The following WNK3 variants were observed in gnomAD, a reference collection of about 807,000 sequenced individuals.
The protein encoded by WNK3 is WNK lysine deficient protein kinase 3, also known as serine/threonine-protein kinase WNK3.
In WNK3, 18 loss-of-function variants were observed where a neutral mutation model predicts 116.7. That is an observed-to-expected ratio of 0.15 (90% confidence interval 0.11 to 0.23). The LOEUF (loss-of-function observed/expected upper bound fraction) is 0.23, where lower values mean the gene tolerates loss of function less well. WNK3 is among the 10% of genes least tolerant of loss of function. The probability of loss-of-function intolerance (pLI) is 1.00; values close to 1 mark genes in which losing one functional copy is unlikely to be tolerated. For synonymous variants in WNK3, 404 were observed against 469.4 expected (o/e 0.86, Z 1.80); for missense variants, 993 against 1,323.8 (o/e 0.75, Z 3.88).
At chrX:54,271,315 T>C (rs1379017721) in intron 10 of WNK3, among the ~76,000 whole-genome samples, 1 of 111,343 alleles carries the variant, frequency 9.0e-6, no homozygotes, top group Non-Finnish European at 1.9e-5. Flanking sequence ...ACAAAATATG[T>C]AGATGGGAAA....
rs782372477 is a variant in WNK3, at chrX:54,289,587, G to A, written c.2037+3301C>T. On this transcript the variant is annotated intron_variant, in intron 10 of 23. Coordinates refer to ENST00000354646, the Ensembl canonical transcript of WNK3. ...ATCTTAGGTTGTAAAATTAATGATTGTTGCTGAATACAAGCTTGGAAACAA... is the reference window on the plus strand; with the variant it reads ...ATCTTAGGTTGTAAAATTAATGATTATTGCTGAATACAAGCTTGGAAACAA... Among the ~76,000 whole-genome samples, 6 of 111,165 alleles carry A rather than the reference G, an allele frequency of 5.4e-5. No individual in the cohort carries two copies. The South Asian group carries it at 1.9e-3, about 36-fold the overall frequency.
chrX:54,343,195 T>G (rs1353184572), intron 1 of WNK3, among the ~76,000 whole-genome samples: 1 of 110,633 alleles, frequency 9.0e-6, no homozygotes, highest in Non-Finnish European at 1.9e-5. Context: ...ATCGTGGATC[T>G]TCACCATAAA....
intron 1 of WNK3, among the ~76,000 whole-genome samples, chrX:54,354,677 G>A (rs1156755616): frequency 9.0e-6 from 1 of 110,802 alleles, no homozygotes; most frequent in African/African-American, 3.3e-5. Flanking sequence ...CATGTACCCC[G>A]GAACTTAAAA....
intron 2 of WNK3, among the ~76,000 whole-genome samples, chrX:54,322,325 A>G (rs782149059): frequency 1.1e-3 from 127 of 111,967 alleles, no homozygotes; most frequent in African/African-American, 3.8e-3. Context: ...ATAAACTTGT[A>G]TCCTAGATTT....
intron 10 of WNK3, among the ~76,000 whole-genome samples, chrX:54,275,279 G>A (rs1441492507): frequency 6.3e-5 from 7 of 110,408 alleles, no homozygotes; most frequent in Non-Finnish European, 1.3e-4. Context: ...TCGCACCATT[G>A]CACTCCAGCC....
chrX:54,344,529 AGCTTTGT>A (rs1424732687), intron 1 of WNK3, among the ~76,000 whole-genome samples: 1 of 113,228 alleles, frequency 8.8e-6, no homozygotes, highest in Non-Finnish European at 1.9e-5. Context: ...GCAGTCTTTC[AGCTTTGT>A]GGTTCTGACC....
chrX:54,298,747 G>A (rs977843791), intron 6 of WNK3, among the ~76,000 whole-genome samples: 12 of 112,172 alleles, frequency 1.1e-4, no homozygotes, highest in Non-Finnish European at 2.1e-4. Context: ...CTTAGTACAT[G>A]TTAGGCAAAT....
At chrX:54,357,342 CA>C (rs1209590717) in intron 1 of WNK3, among the ~76,000 whole-genome samples, 6 of 105,349 alleles carry the variant, frequency 5.7e-5, no homozygotes, top group African/African-American at 1.0e-4. Flanking sequence ...CAACAACAAC[CA>C]AAAAAAAAAT....
In WNK3 at chrX:54,230,008, T is replaced by A. The variant is rs781864911; in HGVS notation, c.4841-1265A>T. ...CCAAAATCACAATTTTTAAAAAAAA[T>A]TTGATAAAGTATACTTTATTAAAAT... is the stretch of plus-strand genomic sequence containing the variant. On this transcript the variant is annotated intron_variant, in intron 21 of 23. Transcript: ENST00000354646. Among the ~76,000 whole-genome samples the A allele has an allele frequency of 8.9e-5, 10 of 111,762 alleles. No homozygotes were observed. In the South Asian group the frequency reaches 3.7e-3, roughly 41 times the overall value.
chrX:54,354,834 A>G (rs1557179120), intron 1 of WNK3, among the ~76,000 whole-genome samples: 1 of 111,670 alleles, frequency 9.0e-6, no homozygotes, highest in Non-Finnish European at 1.9e-5. Context: ...CTGTAATCCC[A>G]GCACTTTGGG....
Position 54,282,099 on chromosome X carries a change from G to A in WNK3, c.2037+10789C>T, listed in dbSNP as rs146776787. 4.8e-3 allele frequency among the ~76,000 whole-genome samples: 520 copies of A among 109,322 alleles called. 2 individuals are homozygous for A. Among genetic ancestry groups the A allele is most frequent in the African/African-American group, 0.016 (489 of 29,985 alleles). The allele number at this position is 109,322 out of a possible 115,157, so 94.9% of individuals were successfully genotyped here. A position where few individuals can be genotyped will look rare whatever the true frequency, so the allele number is the denominator to read the frequency against. On this transcript the variant is annotated intron_variant, in intron 10 of 23. Transcript: ENST00000354646. Reference sequence around the variant, plus strand: ...CTGTTGCCCAGGCTGGAGTTCAGTGGTGCAATCACAGCTCACTGCAGCCTT... The same window carrying A: ...CTGTTGCCCAGGCTGGAGTTCAGTGATGCAATCACAGCTCACTGCAGCCTT...
At chrX:54,279,875 A>C (rs2068494757) in intron 10 of WNK3, among the ~76,000 whole-genome samples, 1 of 112,412 alleles carries the variant, frequency 8.9e-6, no homozygotes, top group South Asian at 3.6e-4. Context: ...GTAAAAAGAC[A>C]CAGATAACAT....
At chrX:54,352,847 G>A (rs1056494047) in intron 1 of WNK3, among the ~76,000 whole-genome samples, 9 of 111,708 alleles carry the variant, frequency 8.1e-5, no homozygotes, top group African/African-American at 2.9e-4. Flanking sequence ...ACTGATAAAT[G>A]GATAAACAAA....
At chrX:54,222,941 A>ATATATATATATATATAT (rs59332285) in intron 22 of WNK3, among the ~76,000 whole-genome samples, 36 of 84,037 alleles carry the variant, frequency 4.3e-4, no homozygotes, top group African/African-American at 2.2e-3. Flanking sequence ...TATATATATA[A>ATATATATATATATATAT]AAAAAGACAC....
chrX:54,246,869 G>A (rs782395636), intron 17 of WNK3, among the ~76,000 whole-genome samples: 8 of 111,688 alleles, frequency 7.2e-5, no homozygotes, highest in African/African-American at 1.9e-4. Flanking sequence ...CAAGAGCATT[G>A]CAGTGGTCTA....
chrX:54,336,546 G>A (rs1007762394), intron 1 of WNK3, among the ~76,000 whole-genome samples: 2 of 111,426 alleles, frequency 1.8e-5, no homozygotes, highest in East Asian at 5.6e-4. Flanking sequence ...AAGATCACAA[G>A]CAAAGGCATT....
intron 2 of WNK3, among the ~76,000 whole-genome samples, chrX:54,325,349 A>G (rs1345767389): frequency 9.0e-6 from 1 of 111,237 alleles, no homozygotes; most frequent in African/African-American, 3.3e-5. Context: ...TCAACAAAAC[A>G]TATTTCAAAT....
At chrX:54,317,245 C>T (rs1256060855) in intron 2 of WNK3, among the ~76,000 whole-genome samples, 1 of 109,126 alleles carries the variant, frequency 9.2e-6, no homozygotes, top group Non-Finnish European at 1.9e-5. Context: ...CTGCAACCTC[C>T]GCCTGCCGGG....
At chrX:54,195,424 T>C (rs2067434076) in exon 24 of WNK3, 1 of 111,557 alleles carries the variant, frequency 9.0e-6, no homozygotes, top group Admixed American at 9.6e-5. Context: ...CTCAAGTTAA[T>C]TATTTCTGGG....
Sources: allele counts gnomAD v4.1 joint callset (sites outside exome capture counted in the v4.1 genomes callset), GRCh38; gene constraint gnomAD v4.1.1; transcripts MANE v1.5; gene names NCBI Gene and HGNC (gene_info 2026-07-23, HGNC 2026-07-21).